Variants in ARSG observed in about 807,000 individuals in gnomAD.
ARSG encodes arylsulfatase G.
ARSG carries 37 observed loss-of-function variants against 50.5 expected under a neutral mutation model. The ratio of observed to expected loss-of-function variants is 0.73; its 90% confidence interval spans 0.56 to 0.96. The LOEUF (loss-of-function observed/expected upper bound fraction) is 0.96. ARSG is among the 50% of genes least tolerant of loss of function. The pLI, the probability that ARSG is intolerant of heterozygous loss-of-function variation, is 0.00. For synonymous variants in ARSG, 225 were observed against 254.6 expected, an observed-to-expected ratio of 0.88 and a Z score of 1.11; for missense variants, 629 against 675.3, an observed-to-expected ratio of 0.93 and a Z score of 0.76.
intron 1 of ARSG, among the ~76,000 whole-genome samples, chr17:68,262,138 A>G (rs2075080373): frequency 2.7e-5 from 4 of 147,488 alleles, no homozygotes; most frequent in African/African-American, 1.0e-4. Flanking sequence ...CGTGGGTGAC[A>G]AGAGCAAAAC....
At chr17:68,423,304 C>G (rs1403592788), downstream of ARSG, among the ~76,000 whole-genome samples, 1 of 152,164 alleles carries the variant, frequency 6.6e-6, no homozygotes, top group Non-Finnish European at 1.5e-5. The surrounding 1 kb of genome is among the most constrained non-coding windows in gnomAD (Gnocchi z 4.4). Context: ...CTGAGATGGG[C>G]CATATTGATA....
intron 1 of ARSG, among the ~76,000 whole-genome samples, chr17:68,294,162 C>T (rs1172481846): frequency 1.3e-5 from 2 of 152,162 alleles, no homozygotes; most frequent in Admixed American, 6.5e-5. Flanking sequence ...TCCCAAGTGG[C>T]AGGCAGAGCC....
chr17:68,358,416 CG>C (rs2146520315), intron 6 of ARSG, among the ~76,000 whole-genome samples: 1 of 149,670 alleles, frequency 6.7e-6, no homozygotes, highest in East Asian at 2.0e-4. Flanking sequence ...TGGCTGGGCG[CG>C]GTGGCTCACG....
chr17:68,262,125 C>T (rs1246726801), intron 1 of ARSG, among the ~76,000 whole-genome samples: 1 of 146,736 alleles, frequency 6.8e-6, no homozygotes, highest in Non-Finnish European at 1.5e-5. Flanking sequence ...CATTGCACTC[C>T]AGCGTGGGTG....
intron 1 of ARSG, among the ~76,000 whole-genome samples, chr17:68,301,788 T>C (rs1166107062): frequency 6.6e-6 from 1 of 152,140 alleles, no homozygotes; most frequent in African/African-American, 2.4e-5. Flanking sequence ...TGCCGCTCCT[T>C]GCTTGTGCCA....
At chr17:68,376,742 G>T (rs532657789) in intron 8 of ARSG, among the ~76,000 whole-genome samples, 2 of 152,162 alleles carry the variant, frequency 1.3e-5, no homozygotes, top group East Asian at 1.9e-4. Context: ...ACAAGGAGAA[G>T]GGCAAGTACC....
At chr17:68,310,697 A>G (rs2076818474) in intron 2 of ARSG, among the ~76,000 whole-genome samples, 2 of 152,178 alleles carry the variant, frequency 1.3e-5, no homozygotes, top group Non-Finnish European at 2.9e-5. Flanking sequence ...GCATCTCCAC[A>G]GAGTTTTGGC....
At position 68,399,240 on chromosome 17, in the gene ARSG, G is replaced by T. The variant is rs2081375482; in HGVS notation, c.1213-2120G>T. 6.6e-6 allele frequency among the ~76,000 whole-genome samples: 1 copy of T among 152,150 alleles called. No homozygotes were observed. The highest frequency in any genetic ancestry group is 1.5e-5 in the Non-Finnish European group (1 of 68,024). ...CTTAGGGAGGCCCCTAGTGGCGAGAGATGTCATCTGGCGTGGCTGGCAAAC... is the reference window on the plus strand; with the variant it reads ...CTTAGGGAGGCCCCTAGTGGCGAGATATGTCATCTGGCGTGGCTGGCAAAC... On this transcript the variant is annotated intron_variant, in intron 10 of 11. Transcript: ENST00000621439. The surrounding 1 kb of genome is among the most constrained non-coding windows in gnomAD (Gnocchi z 4.6).
intron 9 of ARSG, among the ~76,000 whole-genome samples, chr17:68,392,298 A>G (rs1463585656): frequency 2.6e-5 from 4 of 152,178 alleles, no homozygotes; most frequent in South Asian, 4.1e-4. Context: ...TTTTCCCCCA[A>G]CATGAGCACA....
At chr17:68,322,387 G>T (rs2077322377) in intron 2 of ARSG, among the ~76,000 whole-genome samples, 3 of 152,190 alleles carry the variant, frequency 2.0e-5, no homozygotes, top group African/African-American at 7.2e-5. Flanking sequence ...CCAGCACTCT[G>T]GGAGGCTGAG....
chr17:68,287,297 G>A (rs782627044), upstream of ARSG, among the ~76,000 whole-genome samples: 3 of 150,846 alleles, frequency 2.0e-5, no homozygotes, highest in Admixed American at 6.6e-5. Context: ...GATTACACGC[G>A]TGAGCCAGCA....
intron 2 of ARSG, among the ~76,000 whole-genome samples, chr17:68,315,650 TA>T (rs567126147): frequency 1.5e-4 from 23 of 152,272 alleles, no homozygotes; most frequent in African/African-American, 5.3e-4. Context: ...TTATTTATTT[TA>T]AGATGAAGTC....
intron 2 of ARSG, among the ~76,000 whole-genome samples, chr17:68,331,060 C>T (rs1426359012): frequency 6.7e-6 from 1 of 150,302 alleles, no homozygotes; most frequent in African/African-American, 2.5e-5. Context: ...TCTCAGCTCA[C>T]TGCAACATCT....
intron 3 of ARSG, among the ~76,000 whole-genome samples, chr17:68,344,188 A>G (rs150927299): frequency 2.0e-5 from 3 of 152,274 alleles, no homozygotes; most frequent in African/African-American, 7.2e-5. Context: ...AGGAAGGAAG[A>G]AGAGAAGGGA....
chr17:68,297,992 T>C (rs1248909948), intron 1 of ARSG, among the ~76,000 whole-genome samples: 1 of 136,554 alleles, frequency 7.3e-6, no homozygotes, highest in East Asian at 2.2e-4. Context: ...TTTTTTCCCC[T>C]GATATCTAAT....
At chr17:68,294,743 C>T (rs190895844) in intron 1 of ARSG, among the ~76,000 whole-genome samples, 91 of 152,262 alleles carry the variant, frequency 6.0e-4, no homozygotes, top group African/African-American at 1.7e-3. Context: ...TCTGCTTCTC[C>T]AATTGGCCAG....
intron 1 of ARSG, among the ~76,000 whole-genome samples, chr17:68,277,626 C>T (rs112156702): frequency 2.1e-3 from 325 of 152,202 alleles, no homozygotes; most frequent in African/African-American, 6.3e-3. Flanking sequence ...GATGGGGTTT[C>T]GCCATGTTGG....
At chr17:68,344,820 C>T (rs1179180376) in intron 3 of ARSG, among the ~76,000 whole-genome samples, 1 of 152,232 alleles carries the variant, frequency 6.6e-6, no homozygotes, top group Non-Finnish European at 1.5e-5. Context: ...CAACCACAAG[C>T]GGGTGGCCCT....
chr17:68,292,678 T>A (rs1226565706), intron 1 of ARSG, among the ~76,000 whole-genome samples: 2 of 152,182 alleles, frequency 1.3e-5, no homozygotes, highest in Non-Finnish European at 1.5e-5. Flanking sequence ...GTCGGCGATC[T>A]GAATTTTAAT....
Sources: allele counts gnomAD v4.1 joint callset (sites outside exome capture counted in the v4.1 genomes callset), GRCh38; gene constraint gnomAD v4.1.1; non-coding constraint Gnocchi (gnomAD v3.1); transcripts MANE v1.5; gene names NCBI Gene and HGNC (gene_info 2026-07-23, HGNC 2026-07-21).